The following SYCP2L variants were observed in gnomAD, a reference collection of about 807,000 sequenced individuals.
SYCP2L encodes the protein synaptonemal complex protein 2-like.
Under a neutral mutation model 125.8 loss-of-function variants are expected in SYCP2L, and 98 were observed. The ratio of observed to expected loss-of-function variants is 0.78; its 90% CI spans 0.66 to 0.92. SYCP2L has a LOEUF of 0.92. SYCP2L is among the 40% of genes least tolerant of loss of function. SYCP2L has a pLI of 0.00. For synonymous variants in SYCP2L, 317 were observed against 325.4 expected (o/e 0.97, Z 0.28); for missense variants, 842 against 936.4 (o/e 0.90, Z 1.32).
chr6:10,891,999 G>A (rs1334386835), intron 2 of SYCP2L, among the ~76,000 whole-genome samples: 1 of 152,204 alleles, frequency 6.6e-6, no homozygotes, highest in African/African-American at 2.4e-5. Flanking sequence ...TAATGAGATG[G>A]GGAATAATTG....
intron 8 of SYCP2L, among the ~76,000 whole-genome samples, chr6:10,905,406 C>T (rs1184726878): frequency 6.6e-6 from 1 of 151,844 alleles, no homozygotes; most frequent in African/African-American, 2.4e-5. Context: ...GATTCTCCTG[C>T]CTCAGCCTCC....
intron 4 of SYCP2L, among the ~76,000 whole-genome samples, chr6:10,896,758 A>G (rs2113291297): frequency 6.6e-6 from 1 of 152,328 alleles, no homozygotes; most frequent in East Asian, 1.9e-4. Flanking sequence ...AACCTAAAAT[A>G]GAAAACTCAG....
At chr6:10,943,415 A>G (rs893750615) in intron 23 of SYCP2L, among the ~76,000 whole-genome samples, 2 of 152,164 alleles carry the variant, frequency 1.3e-5, no homozygotes, top group Non-Finnish European at 1.5e-5. Flanking sequence ...TAACATTACT[A>G]TTGCTTTCAA....
At position 10,955,181 on chromosome 6, in the gene SYCP2L, T is replaced by C. The variant is rs1490429928; in HGVS notation, c.2020T>C (p.Ser674Pro). 1 of 1,613,112 alleles carries C rather than the reference T, an allele frequency of 6.2e-7. No homozygotes were observed. Among genetic ancestry groups the C allele is most frequent in the Non-Finnish European group, 8.5e-7 (1 of 1,179,214 alleles). The change falls in exon 24 of 30, where the codon TCC (serine) becomes CCC (proline). Residue 674 changes from serine (S) to proline (P), a missense_variant. Ser to Pro is a moderately conservative substitution (Grantham distance 74). Coordinates refer to ENST00000283141, the MANE Select transcript of SYCP2L (RefSeq NM_001040274.3). ...SRLEEEVAPG[S>P]PFSITEEREL... ...ATTGGAAGAAGAGGTTGCTCCGGGA[T>C]CCCCTTTCTCAATAACAGAAGAAAG...
At chr6:10,930,247 T>A in intron 18 of SYCP2L, 123 bp from the exon 19 acceptor site, 1 of 981,566 alleles carries the variant, frequency 1.0e-6, no homozygotes, top group Middle Eastern at 3.0e-4. Flanking sequence ...TTATATTATA[T>A]AAGAGAGCCC....
chr6:10,891,496 G>GT lies in SYCP2L; in HGVS notation c.10-12dup. The GT allele has an allele frequency of 2.0e-6, 3 of 1,466,876 alleles. No individual in the cohort carries two copies. Among genetic ancestry groups the GT allele is most frequent in the Non-Finnish European group, 2.8e-6 (3 of 1,086,442 alleles). 90.9% of individuals were successfully genotyped at this position (1,466,876 alleles called of 1,614,324 possible). A position where few individuals can be genotyped will look rare whatever the true frequency, so the allele number is the denominator to read the frequency against. On this transcript the variant is annotated splice_polypyrimidine_tract_variant and intron_variant, in intron 1 of 29. Transcript: ENST00000283141. ...TGAAATAAAAATTGTTTAAAAACATGTTTTTATTCCACACAGAAAAACAAA... is the reference window on the plus strand; with the variant it reads ...TGAAATAAAAATTGTTTAAAAACATGTTTTTTATTCCACACAGAAAAACAAA...
chr6:10,889,364 C>G (rs1780136526), intron 1 of SYCP2L, among the ~76,000 whole-genome samples: 2 of 152,122 alleles, frequency 1.3e-5, no homozygotes, highest in South Asian at 4.1e-4. Context: ...GTGTAATGAT[C>G]AAATCAGGGT....
At chr6:10,944,000 C>A (rs530579824) in intron 23 of SYCP2L, among the ~76,000 whole-genome samples, 2 of 152,178 alleles carry the variant, frequency 1.3e-5, no homozygotes, top group South Asian at 4.1e-4. Flanking sequence ...GAAATAATGC[C>A]ACTATGAAGA....
intron 23 of SYCP2L, among the ~76,000 whole-genome samples, chr6:10,943,136 G>C (rs1781252991): frequency 6.6e-6 from 1 of 152,170 alleles, no homozygotes; most frequent in Non-Finnish European, 1.5e-5. Flanking sequence ...CTAAAACATT[G>C]TGTGGTCAAA....
intron 1 of SYCP2L, among the ~76,000 whole-genome samples, chr6:10,888,389 C>T (rs1780118235): frequency 6.6e-6 from 1 of 151,974 alleles, no homozygotes; most frequent in African/African-American, 2.4e-5. Flanking sequence ...GCCACAGCGC[C>T]CGGCTATCAT....
At chr6:10,896,722 C>G (rs148753631) in intron 4 of SYCP2L, among the ~76,000 whole-genome samples, 1 of 152,164 alleles carries the variant, frequency 6.6e-6, no homozygotes, top group Non-Finnish European at 1.5e-5. Flanking sequence ...TTACAGTCAC[C>G]TGGAGAGCTC....
In SYCP2L at chr6:10,887,093, C is replaced by T. The variant is rs1226736326; in HGVS notation, c.-34C>T. 7.4e-6 allele frequency: 12 copies of T among 1,613,934 alleles called. 1 individual carries two copies. The highest frequency in any genetic ancestry group is 3.3e-4 in the Middle Eastern group (2 of 6,060). ...GCCGACCGAGCGCAACAAAGCTGAGCGGCGCGTCGCTTCAGGAACGAAGAA... is the reference window on the plus strand; with the variant it reads ...GCCGACCGAGCGCAACAAAGCTGAGTGGCGCGTCGCTTCAGGAACGAAGAA... On this transcript the variant is annotated 5_prime_UTR_variant, in exon 1 of 30. Coordinates refer to ENST00000283141, the MANE Select transcript of SYCP2L (RefSeq NM_001040274.3).
At chr6:10,903,049 C>T in intron 8 of SYCP2L, 86 bp downstream of exon 8, 1 of 1,054,634 alleles carries the variant, frequency 9.5e-7, no homozygotes. Flanking sequence ...CTACTTAGAC[C>T]TGATTATGTC....
intron 18 of SYCP2L, 22 bp from the exon 19 acceptor site, chr6:10,930,348 C>T (rs199587329): frequency 2.4e-5 from 38 of 1,597,008 alleles, no homozygotes; most frequent in Non-Finnish European, 3.4e-6. Flanking sequence ...TAAAAATTCT[C>T]ATTTATGATC....
chr6:10,933,728 C>T (rs1781040750), intron 20 of SYCP2L, among the ~76,000 whole-genome samples: 1 of 152,138 alleles, frequency 6.6e-6, no homozygotes, highest in Admixed American at 6.5e-5. Context: ...TTATACCAAA[C>T]TTTGAATGAA....
chr6:10,971,951 C>T (rs548747389), intron 29 of SYCP2L, among the ~76,000 whole-genome samples: 1 of 152,184 alleles, frequency 6.6e-6, no homozygotes, highest in Non-Finnish European at 1.5e-5. Context: ...GCTGGGATTA[C>T]AGGCATAAGC....
chr6:10,921,486 C>A (rs995940797), intron 14 of SYCP2L, among the ~76,000 whole-genome samples: 1 of 152,126 alleles, frequency 6.6e-6, no homozygotes, highest in Admixed American at 6.5e-5. Flanking sequence ...AACTAATTTA[C>A]GCTCCCACCA....
chr6:10,938,150 G>T (rs1257101672), intron 21 of SYCP2L, among the ~76,000 whole-genome samples: 1 of 152,130 alleles, frequency 6.6e-6, no homozygotes, highest in Non-Finnish European at 1.5e-5. Flanking sequence ...GAACGTATAT[G>T]TAAAAACCCT....
chr6:10,923,903 C>T (rs12207573), intron 14 of SYCP2L, among the ~76,000 whole-genome samples: 35,146 of 147,286 alleles, frequency 0.24, 4,438 homozygotes, highest in Non-Finnish European at 0.3. Context: ...CCAGGATGGT[C>T]TCCATCTCCT....
Sources: allele counts gnomAD v4.1 joint callset (sites outside exome capture counted in the v4.1 genomes callset), GRCh38; gene constraint gnomAD v4.1.1; transcripts MANE v1.5; gene names NCBI Gene and HGNC (gene_info 2026-07-23, HGNC 2026-07-21).